Variants in CNTN4 observed in about 807,000 individuals in gnomAD.
CNTN4 encodes the protein contactin-4.
Under a neutral mutation model 122.5 loss-of-function variants are expected in CNTN4, and 77 were observed. That is an observed-to-expected ratio of 0.63 (90% CI 0.52 to 0.76). The LOEUF is 0.76. Among genes scored for constraint, CNTN4 ranks in the 30% least tolerant of loss-of-function variants. The pLI, the probability that CNTN4 is intolerant of heterozygous loss-of-function variation, is 0.00. For synonymous variants in CNTN4, 512 were observed against 447.0 expected (o/e 1.15, Z -1.83); for missense variants, 1,256 against 1,259.1 (o/e 1.00, Z 0.04).
intron 4 of CNTN4, among the ~76,000 whole-genome samples, chr3:2,603,810 C>T (rs1576181515): frequency 6.6e-6 from 1 of 152,202 alleles, no homozygotes; most frequent in Non-Finnish European, 1.5e-5. Context: ...TGCTTAATAG[C>T]TTTGTGAATC....
At chr3:2,634,552 C>T (rs533408112) in intron 4 of CNTN4, among the ~76,000 whole-genome samples, 29 of 151,840 alleles carry the variant, frequency 1.9e-4, no homozygotes, top group East Asian at 9.7e-4. Context: ...ATTCTAGGGC[C>T]GGGCACAGTG....
rs911390959 is a variant in CNTN4 at position 2,999,629 on chromosome 3, C to T, written c.1486+11157C>T. On this transcript the variant is annotated intron_variant, in intron 14 of 24. Coordinates refer to ENST00000418658, the MANE Select transcript of CNTN4 (RefSeq NM_175607.3). The stretch of plus-strand genomic sequence containing the variant: ...CTGTGTCCAGAGGGGAGGAACATGG[C>T]TAATTTGTCCTGACATGGCAGAGAG... Among the ~76,000 whole-genome samples the T allele has an allele frequency of 2.0e-5, 3 of 151,986 alleles. No homozygotes were observed. The East Asian group carries it at 5.8e-4, about 29-fold the overall frequency.
chr3:2,757,854 A>T (rs939501830), intron 6 of CNTN4, among the ~76,000 whole-genome samples: 1 of 152,188 alleles, frequency 6.6e-6, no homozygotes, highest in Non-Finnish European at 1.5e-5. Context: ...TTAAATTCCA[A>T]ACTAGCCACT....
At chr3:2,195,747 A>G (rs1016863706) in intron 2 of CNTN4, among the ~76,000 whole-genome samples, 4 of 152,220 alleles carry the variant, frequency 2.6e-5, no homozygotes, top group Non-Finnish European at 5.9e-5. Context: ...GAGGTTTGCC[A>G]TCAAAAACAA....
chr3:2,874,326 AG>A (rs2093818883), intron 8 of CNTN4, among the ~76,000 whole-genome samples: 1 of 152,236 alleles, frequency 6.6e-6, no homozygotes, highest in African/African-American at 2.4e-5. Flanking sequence ...GAGAATTCCA[AG>A]TTAATGAAGG....
chr3:2,882,123 G>T (rs1335218429), intron 8 of CNTN4, among the ~76,000 whole-genome samples: 1 of 152,294 alleles, frequency 6.6e-6, no homozygotes, highest in East Asian at 1.9e-4. Flanking sequence ...AGCAATTTAG[G>T]AGGCCAAGGC....
At chr3:2,678,250 T>C (rs1031847156) in intron 4 of CNTN4, among the ~76,000 whole-genome samples, 3 of 152,200 alleles carry the variant, frequency 2.0e-5, no homozygotes, top group Admixed American at 6.5e-5. Flanking sequence ...TTTTGAGCAC[T>C]TCAAAGTCTA....
chr3:2,434,198 T>C (rs1247414981), intron 3 of CNTN4, among the ~76,000 whole-genome samples: 1 of 152,220 alleles, frequency 6.6e-6, no homozygotes, highest in African/African-American at 2.4e-5. Flanking sequence ...GATGAATTTG[T>C]TCATTAGCCT....
chr3:2,444,986 A>C (rs1478794306), intron 3 of CNTN4, among the ~76,000 whole-genome samples: 3 of 148,560 alleles, frequency 2.0e-5, no homozygotes, highest in African/African-American at 7.5e-5. Flanking sequence ...CCCCCACCCC[A>C]CTTCTTACTA....
intron 3 of CNTN4, among the ~76,000 whole-genome samples, chr3:2,537,444 C>G (rs1182285598): frequency 6.6e-6 from 1 of 152,056 alleles, no homozygotes; most frequent in East Asian, 1.9e-4. Context: ...CACCAGGATA[C>G]TTTATGTTGT....
chr3:2,630,701 A>T (rs2082392025), intron 4 of CNTN4, among the ~76,000 whole-genome samples: 1 of 137,284 alleles, frequency 7.3e-6, no homozygotes. Flanking sequence ...TTATTAAGGG[A>T]GTGTGTGTGT....
intron 2 of CNTN4, among the ~76,000 whole-genome samples, chr3:2,135,696 C>T (rs141873666): frequency 4.6e-4 from 69 of 151,622 alleles, no homozygotes; most frequent in African/African-American, 1.7e-3. Flanking sequence ...CTATGGGAAC[C>T]TTATGATGTA....
intron 2 of CNTN4, among the ~76,000 whole-genome samples, chr3:2,171,824 G>C (rs910811341): frequency 3.9e-5 from 6 of 152,190 alleles, no homozygotes; most frequent in Non-Finnish European, 5.9e-5. Context: ...TGGGCTCTTG[G>C]TGTGTTTGGT....
chr3:2,471,365 C>T (rs1272664795), intron 3 of CNTN4, among the ~76,000 whole-genome samples: 1 of 152,142 alleles, frequency 6.6e-6, no homozygotes, highest in Non-Finnish European at 1.5e-5. Flanking sequence ...AAAAAATAAG[C>T]ATTTATCTAT....
chr3:2,152,038 A>G (rs2035514969), intron 2 of CNTN4, among the ~76,000 whole-genome samples: 1 of 152,352 alleles, frequency 6.6e-6, no homozygotes, highest in South Asian at 2.1e-4. Context: ...GTTTGTATGC[A>G]GGGAGGTAAG....
intron 3 of CNTN4, among the ~76,000 whole-genome samples, chr3:2,523,800 T>A (rs189046476): frequency 1.3e-4 from 20 of 152,164 alleles, no homozygotes; most frequent in Admixed American, 9.2e-4. Context: ...TGCTTAGAAA[T>A]CAAAATGAAT....
intron 2 of CNTN4, among the ~76,000 whole-genome samples, chr3:2,113,698 G>A (rs2033133384): frequency 6.6e-6 from 1 of 152,124 alleles, no homozygotes; most frequent in South Asian, 2.1e-4. Context: ...TTAAGGCGCA[G>A]ATACACAAAT....
At chr3:2,644,359 G>A (rs746134822) in intron 4 of CNTN4, among the ~76,000 whole-genome samples, 1 of 152,064 alleles carries the variant, frequency 6.6e-6, no homozygotes, top group Non-Finnish European at 1.5e-5. Context: ...TTGCCCATAG[G>A]CTTCATTATC....
chr3:2,230,902 C>T (rs2149542990), intron 2 of CNTN4, among the ~76,000 whole-genome samples: 1 of 152,144 alleles, frequency 6.6e-6, no homozygotes, highest in East Asian at 1.9e-4. Context: ...GTGACAGGAT[C>T]ACTTGAGCCC....
Sources: gnomAD v4.1 joint callset for allele counts (sites outside exome capture counted in the v4.1 genomes callset) on GRCh38, gnomAD v4.1.1 for gene constraint, MANE v1.5 for transcripts, NCBI Gene and HGNC (gene_info 2026-07-23, HGNC 2026-07-21) for gene names.